SOX5: variants seen among roughly 807,000 people sequenced by gnomAD.
SOX5 encodes the protein transcription factor SOX-5.
In SOX5, 9 loss-of-function variants were observed where a neutral mutation model predicts 92.0. The observed-to-expected ratio is 0.10, with a 90% CI of 0.06 to 0.17. The LOEUF (loss-of-function observed/expected upper bound fraction) is 0.17, where lower values mean the gene tolerates loss of function less well. Among genes scored for constraint, SOX5 ranks in the 10% least tolerant of loss-of-function variants. The probability of loss-of-function intolerance (pLI) is 1.00; values close to 1 mark genes in which losing one functional copy is unlikely to be tolerated. For missense variants in SOX5, 642 were observed against 944.5 expected (o/e 0.68, Z 4.20); for synonymous variants, 344 against 336.3 (o/e 1.02, Z -0.25).
chr12:24,214,540 C>T (rs977840891), intron 3 of SOX5, among the ~76,000 whole-genome samples: 5 of 152,060 alleles, frequency 3.3e-5, no homozygotes, highest in African/African-American at 1.2e-4. Context: ...AAAATGACTA[C>T]ATTATATGAC....
intron 2 of SOX5, among the ~76,000 whole-genome samples, chr12:23,886,327 T>C (rs913930706): frequency 6.6e-6 from 1 of 152,130 alleles, no homozygotes; most frequent in Non-Finnish European, 1.5e-5. Flanking sequence ...CCAAATGAAG[T>C]GTTAATGGTT....
At chr12:24,066,179 ATCTCT>A (rs1569530872) in intron 4 of SOX5, among the ~76,000 whole-genome samples, 2 of 152,220 alleles carry the variant, frequency 1.3e-5, no homozygotes, top group Admixed American at 6.5e-5. Context: ...AAAAGATACA[ATCTCT>A]TCTCTTAATT....
Position 23,532,542 on chromosome 12 carries a change from C to G in SOX5, c.*1677G>C, listed in dbSNP as rs927435112. 4.6e-5 allele frequency: 7 copies of G among 152,212 alleles called. No homozygotes were observed. The allele number at this position is 152,212 out of a possible 1,614,324, so 9.4% of individuals were successfully genotyped here. ...GCTGGCAAAATCTACATAAGCAGTCCCATCACATTCAGTTGTTGCTCTTTG... is the reference window on the plus strand; with the variant it reads ...GCTGGCAAAATCTACATAAGCAGTCGCATCACATTCAGTTGTTGCTCTTTG... On this transcript the variant is annotated 3_prime_UTR_variant, in exon 15 of 15. Transcript: ENST00000451604.
intron 2 of SOX5, among the ~76,000 whole-genome samples, chr12:24,301,998 C>A (rs1230465004): frequency 2.0e-5 from 3 of 151,976 alleles, no homozygotes; most frequent in African/African-American, 7.2e-5. Flanking sequence ...AATACATGTT[C>A]ATAAGGTCTT....
intron 4 of SOX5, among the ~76,000 whole-genome samples, chr12:24,067,512 T>G (rs371520811): frequency 6.6e-6 from 1 of 152,084 alleles, no homozygotes; most frequent in African/African-American, 2.4e-5. Context: ...TTAGAATGAT[T>G]GCAGATAATA....
At chr12:24,106,791 AAATAATAAT>A (rs56341402) in intron 4 of SOX5, among the ~76,000 whole-genome samples, 24,443 of 137,300 alleles carry the variant, frequency 0.18, 2,320 homozygotes, top group South Asian at 0.23. Context: ...GACTCGTCTC[AAATAATAAT>A]AATAATAATA....
At chr12:23,879,900 C>T (rs4963726) in intron 2 of SOX5, among the ~76,000 whole-genome samples, 92,295 of 151,862 alleles carry the variant, frequency 0.61, 28,058 homozygotes, top group East Asian at 0.78. Context: ...TGGTCAAGAG[C>T]AGTAGGTGGA....
chr12:23,981,302 G>A (rs1949546982), intron 4 of SOX5, among the ~76,000 whole-genome samples: 1 of 152,088 alleles, frequency 6.6e-6, no homozygotes, highest in South Asian at 2.1e-4. Flanking sequence ...GAATTGCTTA[G>A]TCTTTCCATT....
chr12:24,345,707 A>G (rs1953150288), intron 2 of SOX5, among the ~76,000 whole-genome samples: 1 of 146,790 alleles, frequency 6.8e-6, no homozygotes, highest in African/African-American at 2.7e-5. Context: ...CCTTAAACCT[A>G]AAATACTCTA....
chr12:24,399,225 G>A (rs984967392), intron 1 of SOX5, among the ~76,000 whole-genome samples: 1 of 151,874 alleles, frequency 6.6e-6, no homozygotes, highest in African/African-American at 2.4e-5. Flanking sequence ...GTGAGCATCT[G>A]AGCACACTGC....
chr12:24,339,615 G>A (rs1397515053), intron 2 of SOX5, among the ~76,000 whole-genome samples: 1 of 152,082 alleles, frequency 6.6e-6, no homozygotes, highest in Non-Finnish European at 1.5e-5. Context: ...GGAGACAATG[G>A]GGAAAACAAC....
At chr12:24,401,708 T>TAAAAAAAAAAAAAAAAAAAAAA (rs71063321) in intron 1 of SOX5, among the ~76,000 whole-genome samples, 4 of 99,462 alleles carry the variant, frequency 4.0e-5, no homozygotes, top group African/African-American at 1.6e-4. Flanking sequence ...ACCCTATCTT[T>TAAAAAAAAAAAAAAAAAAAAAA]AAAAAAAAAA....
At chr12:24,070,302 C>T (rs1470833329) in intron 4 of SOX5, among the ~76,000 whole-genome samples, 1 of 152,068 alleles carries the variant, frequency 6.6e-6, no homozygotes, top group Non-Finnish European at 1.5e-5. Flanking sequence ...AGTGATGTTT[C>T]ATCTCAGAAA....
intron 9 of SOX5, among the ~76,000 whole-genome samples, chr12:23,598,171 T>C (rs184568231): frequency 6.6e-6 from 1 of 152,266 alleles, no homozygotes; most frequent in Admixed American, 6.5e-5. Context: ...CAAATAGTAG[T>C]ATTCTAAAAC....
chr12:24,508,440 A>G (rs1017277714), intron 1 of SOX5, among the ~76,000 whole-genome samples: 2 of 152,152 alleles, frequency 1.3e-5, no homozygotes, highest in Non-Finnish European at 2.9e-5. Context: ...GAGATACAGA[A>G]CTCAAGAGGA....
chr12:24,182,809 G>A (rs967952628), intron 4 of SOX5, among the ~76,000 whole-genome samples: 1 of 152,136 alleles, frequency 6.6e-6, no homozygotes, highest in African/African-American at 2.4e-5. Context: ...CGCCTCACAG[G>A]TTCAAGCAAT....
intron 1 of SOX5, among the ~76,000 whole-genome samples, chr12:24,474,528 CTT>C (rs1945148956): frequency 6.6e-6 from 1 of 152,012 alleles, no homozygotes; most frequent in Non-Finnish European, 1.5e-5. Context: ...GTAATTATGA[CTT>C]TTTTTGTTTG....
intron 3 of SOX5, among the ~76,000 whole-genome samples, chr12:24,245,841 A>G (rs760914444): frequency 6.6e-6 from 1 of 152,236 alleles, no homozygotes; most frequent in Non-Finnish European, 1.5e-5. Context: ...CTCAAATTTA[A>G]TAAATAAGGA....
At chr12:23,958,140 G>T (rs1946487635) in intron 4 of SOX5, among the ~76,000 whole-genome samples, 1 of 151,816 alleles carries the variant, frequency 6.6e-6, no homozygotes, top group African/African-American at 2.4e-5. Flanking sequence ...ATATATCTAA[G>T]GTCATCAATA....
Sources: allele counts gnomAD v4.1 joint callset (sites outside exome capture counted in the v4.1 genomes callset), GRCh38; gene constraint gnomAD v4.1.1; transcripts MANE v1.5; gene names NCBI Gene and HGNC (gene_info 2026-07-23, HGNC 2026-07-21).